The following MKLN1 variants were observed in gnomAD, a reference collection of about 807,000 sequenced individuals.
MKLN1 encodes muskelin 1.
A neutral mutation model predicts 99.0 loss-of-function variants in MKLN1; 18 were observed. The ratio of observed to expected loss-of-function variants is 0.18; its 90% CI spans 0.13 to 0.27. The LOEUF (loss-of-function observed/expected upper bound fraction) is 0.27, where lower values mean the gene tolerates loss of function less well. Ranked by LOEUF, MKLN1 falls within the 10% of genes least tolerant of loss-of-function variation. MKLN1 has a pLI of 1.00. For synonymous variants in MKLN1, 288 were observed against 293.2 expected (o/e 0.98, Z 0.18); for missense variants, 621 against 875.9 (o/e 0.71, Z 3.67).
chr7:131,441,754 AAAAG>A (rs1371915724), intron 10 of MKLN1, among the ~76,000 whole-genome samples: 3 of 152,358 alleles, frequency 2.0e-5, no homozygotes, highest in East Asian at 1.9e-4. Context: ...AATATTCTCA[AAAAG>A]AAAGAAACTC....
Position 131,345,736 on chromosome 7 carries a change from T to C in MKLN1, c.98+17739T>C, listed in dbSNP as rs1336877706. 2.6e-5 allele frequency among the ~76,000 whole-genome samples: 4 copies of C among 152,174 alleles called. No homozygotes were observed. The East Asian group carries it at 7.7e-4, about 29-fold the overall frequency. ...CTCAAAAAAAAAATTTAAAAATAAGTACAGAGTTGATGTTGAATCCCATTT... is the reference window on the plus strand; with the variant it reads ...CTCAAAAAAAAAATTTAAAAATAAGCACAGAGTTGATGTTGAATCCCATTT... On this transcript the variant is annotated intron_variant, in intron 1 of 17. Transcript: ENST00000352689.
intron 3 of MKLN1, among the ~76,000 whole-genome samples, chr7:131,292,079 C>T (rs1798227697): frequency 6.6e-6 from 1 of 152,112 alleles, no homozygotes. Flanking sequence ...TGCACTCCAG[C>T]CTGGACAACA....
At chr7:131,288,353 G>T (rs993670744) in intron 3 of MKLN1, among the ~76,000 whole-genome samples, 6 of 152,074 alleles carry the variant, frequency 3.9e-5, no homozygotes, top group African/African-American at 1.4e-4. Context: ...TTCAGGCCTG[G>T]ACTTCTACTG....
intron 12 of MKLN1, among the ~76,000 whole-genome samples, chr7:131,453,646 C>A (rs905403883): frequency 4.0e-5 from 6 of 151,790 alleles, no homozygotes; most frequent in African/African-American, 1.5e-4. Flanking sequence ...AATTATAATT[C>A]CAATTATTTT....
intron 3 of MKLN1, among the ~76,000 whole-genome samples, chr7:131,288,139 A>G (rs1166264543): frequency 6.6e-6 from 1 of 151,468 alleles, no homozygotes; most frequent in African/African-American, 2.4e-5. Flanking sequence ...GTTACCCCAC[A>G]GATTTCGTCC....
intron 2 of MKLN1, among the ~76,000 whole-genome samples, chr7:131,376,883 AT>A (rs1793682284): frequency 1.3e-5 from 2 of 151,762 alleles, no homozygotes; most frequent in Non-Finnish European, 1.5e-5. Context: ...TTATGATTTA[AT>A]TTTTTTGGCT....
chr7:131,149,785 C>T (rs1285020565), intron 2 of MKLN1, among the ~76,000 whole-genome samples: 1 of 152,152 alleles, frequency 6.6e-6, no homozygotes, highest in East Asian at 1.9e-4. Context: ...TAATTCTTAA[C>T]TTTGAGTCCA....
chr7:131,243,119 A>G (rs1797431585), intron 3 of MKLN1: 1 of 344,714 alleles, frequency 2.9e-6, no homozygotes, highest in Non-Finnish European at 5.7e-6. Context: ...GACAATAGTC[A>G]TCAAATTACA....
chr7:131,308,146 A>G (rs1409494500), intron 3 of MKLN1, among the ~76,000 whole-genome samples: 1 of 151,986 alleles, frequency 6.6e-6, no homozygotes, highest in Non-Finnish European at 1.5e-5. Flanking sequence ...TGAAAAAGGT[A>G]CTTGCTTCTC....
chr7:131,462,478 A>G (rs1796544620), intron 12 of MKLN1, among the ~76,000 whole-genome samples: 1 of 152,198 alleles, frequency 6.6e-6, no homozygotes, highest in Admixed American at 6.5e-5. Context: ...TCTACTATCA[A>G]ATTAGAACTG....
chr7:131,384,291 A>G (rs1793942764), intron 2 of MKLN1, among the ~76,000 whole-genome samples: 1 of 142,764 alleles, frequency 7.0e-6, no homozygotes, highest in East Asian at 2.1e-4. Context: ...GTGTTAGTAA[A>G]TGTAATTAAG....
intron 2 of MKLN1, among the ~76,000 whole-genome samples, chr7:131,144,499 T>G (rs1321046717): frequency 6.6e-6 from 1 of 151,112 alleles, no homozygotes; most frequent in African/African-American, 2.4e-5. Flanking sequence ...AAAAAAAAGT[T>G]TTTCTTTTTA....
chr7:131,309,188 G>A lies in MKLN1; in HGVS notation c.-178-66236G>A, dbSNP rs867121929. ...AGACAAAGGAGAGTTAAGATGTACC[G>A]AGGAGTTCTGAGGGTCTAACTACTA... On this transcript the variant is annotated intron_variant, in intron 3 of 7. Coordinates refer to the MKLN1 transcript ENST00000416992. Among the ~76,000 whole-genome samples, 7 of 152,188 alleles carry A rather than the reference G, an allele frequency of 4.6e-5. 1 individual carries two copies. The highest frequency in any genetic ancestry group is 4.1e-4 in the South Asian group (2 of 4,830).
intron 3 of MKLN1, among the ~76,000 whole-genome samples, chr7:131,317,145 C>T (rs892223072): frequency 6.6e-6 from 1 of 152,144 alleles, no homozygotes; most frequent in African/African-American, 2.4e-5. Context: ...CCCCAAGACA[C>T]ATAATCATCA....
chr7:131,218,405 A>C (rs1360018988), intron 3 of MKLN1, among the ~76,000 whole-genome samples: 1 of 152,214 alleles, frequency 6.6e-6, no homozygotes, highest in Non-Finnish European at 1.5e-5. Flanking sequence ...TACGTTAGTT[A>C]TATGAAAGTG....
At position 131,444,495 on chromosome 7, in the gene MKLN1, G is replaced by T. The variant is rs144119757; in HGVS notation, c.1395+793G>T. ...CATATTTATGTATCTTTTTTTGTAA[G>T]AGAAAAATTAAATTGTGAATTCATA... On this transcript the variant is annotated intron_variant, in intron 11 of 17. Transcript: ENST00000352689. 4.3e-3 allele frequency among the ~76,000 whole-genome samples: 659 copies of T among 151,982 alleles called. 6 individuals carry two copies. Among genetic ancestry groups the T allele is most frequent in the African/African-American group, 0.015 (621 of 41,484 alleles).
chr7:131,340,383 T>A (rs1479586054), intron 1 of MKLN1, among the ~76,000 whole-genome samples: 1 of 139,710 alleles, frequency 7.2e-6, no homozygotes, highest in Non-Finnish European at 1.5e-5. Flanking sequence ...GTTCAAGCAA[T>A]TTTCCTGCCT....
At chr7:131,443,395 AT>A in intron 10 of MKLN1, 85 bp from the exon 11 acceptor site, 1 of 958,860 alleles carries the variant, frequency 1.0e-6, no homozygotes, top group Non-Finnish European at 1.7e-6. Flanking sequence ...TTTTTTGAGA[AT>A]GTAAAACTGT....
chr7:131,213,825 G>A (rs1796941433), intron 3 of MKLN1, among the ~76,000 whole-genome samples: 1 of 152,140 alleles, frequency 6.6e-6, no homozygotes, highest in African/African-American at 2.4e-5. Context: ...TGCTTCGCAT[G>A]AGTTCTTTAT....
Sources: allele counts gnomAD v4.1 joint callset (sites outside exome capture counted in the v4.1 genomes callset), GRCh38; gene constraint gnomAD v4.1.1; transcripts MANE v1.5; gene names NCBI Gene and HGNC (gene_info 2026-07-23, HGNC 2026-07-21).